The following MAP3K19 variants were observed in gnomAD, a reference collection of about 807,000 sequenced individuals.
MAP3K19 encodes the protein SPS1/STE20-related protein kinase YSK4.
Under a neutral mutation model 114.4 loss-of-function variants are expected in MAP3K19, and 91 were observed. The ratio of observed to expected loss-of-function variants is 0.80; its 90% CI spans 0.67 to 0.95. MAP3K19 has a LOEUF of 0.95. MAP3K19 is among the 40% of genes least tolerant of loss of function. The pLI is 0.00. For missense variants in MAP3K19, 1,471 were observed against 1,573.2 expected, an observed-to-expected ratio of 0.94 and a Z score of 1.10; for synonymous variants, 518 against 530.5, an observed-to-expected ratio of 0.98 and a Z score of 0.32.
intron 6 of MAP3K19, among the ~76,000 whole-genome samples, chr2:135,000,302 C>T (rs2105295856): frequency 6.6e-6 from 1 of 152,274 alleles, no homozygotes; most frequent in Middle Eastern, 3.4e-3. Flanking sequence ...AACAGAACCA[C>T]CTTCTATAAA....
At chr2:134,976,463 C>T (rs906154400) in intron 12 of MAP3K19, among the ~76,000 whole-genome samples, 5 of 152,224 alleles carry the variant, frequency 3.3e-5, no homozygotes, top group Non-Finnish European at 5.9e-5. Context: ...GACTGTCTTC[C>T]TTTCCTTTTC....
At chr2:134,971,386 G>A (rs985806131) in intron 12 of MAP3K19, among the ~76,000 whole-genome samples, 1 of 152,002 alleles carries the variant, frequency 6.6e-6, no homozygotes, top group Non-Finnish European at 1.5e-5. Context: ...TTCTTTTTTT[G>A]TGGTTTTCGC....
At chr2:135,002,731 C>A (rs542512804) in intron 6 of MAP3K19, among the ~76,000 whole-genome samples, 1 of 152,102 alleles carries the variant, frequency 6.6e-6, no homozygotes, top group African/African-American at 2.4e-5. Flanking sequence ...ATGCTGTGTG[C>A]TGATGTGGGT....
At chr2:135,000,472 T>C (rs753831267) in intron 6 of MAP3K19, among the ~76,000 whole-genome samples, 9 of 152,256 alleles carry the variant, frequency 5.9e-5, no homozygotes, top group Non-Finnish European at 7.3e-5. Context: ...TTCCAACTTA[T>C]AGAATACGCG....
intron 5 of MAP3K19, among the ~76,000 whole-genome samples, chr2:135,018,281 CAAAAAAAAAAAAAA>C (rs781510594): frequency 1.7e-5 from 1 of 58,288 alleles, no homozygotes. Flanking sequence ...GCAACAACAG[CAAAAAAAAAAAAAA>C]AAAAAAAAAG....
At chr2:135,044,920 ATTAT>A (rs1688710547) in intron 1 of MAP3K19, among the ~76,000 whole-genome samples, 1 of 152,116 alleles carries the variant, frequency 6.6e-6, no homozygotes, top group East Asian at 1.9e-4. Flanking sequence ...GATCTTGTTA[ATTAT>A]TTGTTAACAC....
At chr2:135,044,388 C>G (rs1328769583) in intron 1 of MAP3K19, among the ~76,000 whole-genome samples, 1 of 152,122 alleles carries the variant, frequency 6.6e-6, no homozygotes, top group Non-Finnish European at 1.5e-5. Flanking sequence ...GTCAGGAGTT[C>G]GAGACCAACT....
At position 134,988,100 on chromosome 2, in the gene MAP3K19, G is replaced by A; in HGVS notation, c.772C>T (p.Leu258Phe). The A allele has an allele frequency of 3.1e-6, 5 of 1,614,122 alleles. No individual in the cohort carries two copies. The highest frequency in any genetic ancestry group is 3.4e-6 in the Non-Finnish European group (4 of 1,180,014). ...CCCGGAGGCTCGTTTGATGGGCTGA[G>A]CTCATCAGATTGACGAACAGACACT... ...LSVSVRQSDE[L>F]SPSNEPPGAL... Residue 258 changes from leucine to phenylalanine, a missense_variant, in exon 10 of 13, where the codon CTC becomes TTC. Transcript: ENST00000392915.
intron 5 of MAP3K19, among the ~76,000 whole-genome samples, chr2:135,007,316 T>G (rs1180882320): frequency 6.6e-6 from 1 of 152,216 alleles, no homozygotes; most frequent in Non-Finnish European, 1.5e-5. Flanking sequence ...TACATAGGTA[T>G]ATATATTTAT....
chr2:135,004,258 G>A (rs1432404382), intron 6 of MAP3K19, among the ~76,000 whole-genome samples: 5 of 152,216 alleles, frequency 3.3e-5, no homozygotes, highest in Non-Finnish European at 7.3e-5. Flanking sequence ...TATGAAAGTC[G>A]AAGGAGGACT....
rs116873075 is a variant in MAP3K19, at chr2:134,965,860, C to T, written c.3921-944G>A. Among the ~76,000 whole-genome samples the T allele has an allele frequency of 1.9e-4, 29 of 152,286 alleles. No individual in the cohort carries two copies. The East Asian group carries it at 5.2e-3, about 27-fold the overall frequency. On this transcript the variant is annotated intron_variant, in intron 12 of 12. Transcript: ENST00000392915. ...ATCTAATTATGTACCCATTAACCAA[C>T]CTCTTTTTATCCTCCCTGCCCCACC...
chr2:135,015,904 A>T lies in MAP3K19; in HGVS notation c.138+5811T>A, dbSNP rs543006812. Among the ~76,000 whole-genome samples the T allele has an allele frequency of 3.4e-4, 52 of 152,134 alleles. No individual in the cohort carries two copies. In the South Asian group the frequency reaches 5.4e-3, roughly 16 times the overall value. ...GAGCCTCCATCTCAAAAAAAAAAAA[A>T]ATATTTGTTGCCAGCTCCAAGGTCA... is the stretch of plus-strand genomic sequence containing the variant. On this transcript the variant is annotated intron_variant, in intron 5 of 12. Coordinates refer to ENST00000392915, the MANE Select transcript of MAP3K19 (RefSeq NM_025052.5).
chr2:134,986,502 C>A lies in MAP3K19; in HGVS notation c.2370G>T (p.Gln790His), dbSNP rs750542451. 2 of 1,614,138 alleles carry A rather than the reference C, an allele frequency of 1.2e-6. No homozygotes were observed. Among genetic ancestry groups the A allele is most frequent in the East Asian group, 4.5e-5 (2 of 44,876 alleles). ...KDEIHPMNLA[Q>H]TPEQSMKQNE... ...TCTGTTTCATGGACTGCTCAGGTGT[C>A]TGAGCCAAGTTCATGGGATGAATTT... Residue 790 changes from glutamine (Q) to histidine (H), a missense_variant, in exon 10 of 13, where the codon CAG becomes CAT. Coordinates refer to ENST00000392915, the MANE Select transcript of MAP3K19 (RefSeq NM_025052.5).
In MAP3K19 at chr2:134,985,936, G is replaced by A; in HGVS notation, c.2936C>T (p.Ala979Val). 6.2e-7 allele frequency: 1 copy of A among 1,614,064 alleles called. No individual in the cohort carries two copies. The highest frequency in any genetic ancestry group is 1.1e-5 in the South Asian group (1 of 91,068). Residue 979 changes from alanine (A) to valine (V), a missense_variant, in exon 10 of 13, where the codon GCT becomes GTT. Coordinates refer to ENST00000392915, the MANE Select transcript of MAP3K19 (RefSeq NM_025052.5). Reference sequence around the variant, plus strand: ...AGAGTTGTTATCTTTCTCATCAAGAGCTAATAATTCTGCAGCTAGACAACC... The same window carrying A: ...AGAGTTGTTATCTTTCTCATCAAGAACTAATAATTCTGCAGCTAGACAACC... ...LLGCLAAELL[A>V]LDEKDNNSCQ...
intron 1 of MAP3K19, among the ~76,000 whole-genome samples, chr2:135,045,363 A>G (rs542798190): frequency 6.6e-6 from 1 of 152,354 alleles, no homozygotes; most frequent in Non-Finnish European, 1.5e-5. Flanking sequence ...CACAGAAATA[A>G]TTAAAACCAA....
At chr2:135,039,045 G>T (rs1245622372) in intron 2 of MAP3K19, among the ~76,000 whole-genome samples, 1 of 151,878 alleles carries the variant, frequency 6.6e-6, no homozygotes, top group East Asian at 1.9e-4. Context: ...ATACAGAGAG[G>T]GCTTTTGAGG....
At position 134,968,492 on chromosome 2, in the gene MAP3K19, A is replaced by ACCC. The variant is rs541451938; in HGVS notation, c.3921-3579_3921-3577dup. Among the ~76,000 whole-genome samples the ACCC allele has an allele frequency of 3.2e-5, 4 of 123,446 alleles. No homozygotes were observed. The East Asian group carries it at 9.8e-4, about 30-fold the overall frequency. The allele number at this position is 123,446 out of a possible 152,430, so 81.0% of individuals were successfully genotyped here. ...GGGTGGCTGGCCGGGCGGGGGGCTGACCCCCCACCTCCCTCCCGGACGGGG... is the reference window on the plus strand; with the variant it reads ...GGGTGGCTGGCCGGGCGGGGGGCTGACCCCCCCCCACCTCCCTCCCGGACGGGG... On this transcript the variant is annotated intron_variant, in intron 12 of 12. Coordinates refer to ENST00000392915, the MANE Select transcript of MAP3K19 (RefSeq NM_025052.5).
intron 2 of MAP3K19, among the ~76,000 whole-genome samples, chr2:135,036,561 G>A (rs980210353): frequency 6.6e-6 from 1 of 152,018 alleles, no homozygotes; most frequent in African/African-American, 2.4e-5. Flanking sequence ...GAAAGATGAT[G>A]AAGATAATTT....
intron 8 of MAP3K19, among the ~76,000 whole-genome samples, chr2:134,995,094 T>G (rs376796514): frequency 8.9e-4 from 136 of 152,190 alleles, no homozygotes; most frequent in African/African-American, 3.1e-3. Context: ...GGTAAATCAC[T>G]TGAGCCCAAG....
Sources: allele counts gnomAD v4.1 joint callset (sites outside exome capture counted in the v4.1 genomes callset), GRCh38; gene constraint gnomAD v4.1.1; transcripts MANE v1.5; gene names NCBI Gene and HGNC (gene_info 2026-07-23, HGNC 2026-07-21).